AXIN1: variants seen among roughly 807,000 people sequenced by gnomAD.
The protein encoded by AXIN1 is axin 1.
A neutral mutation model predicts 76.4 loss-of-function variants in AXIN1; 30 were observed. The observed-to-expected ratio is 0.39, with a 90% confidence interval of 0.29 to 0.53. The LOEUF is 0.53. Among genes scored for constraint, AXIN1 ranks in the 20% least tolerant of loss-of-function variants. The pLI is 0.66. For missense variants in AXIN1, 1,140 were observed against 1,198.8 expected, an observed-to-expected ratio of 0.95 and a Z score of 0.72; for synonymous variants, 545 against 501.4, an observed-to-expected ratio of 1.09 and a Z score of -1.16.
intron 7 of AXIN1, among the ~76,000 whole-genome samples, chr16:294,258 A>G (rs868162194): frequency 2.0e-5 from 3 of 152,232 alleles, no homozygotes; most frequent in Middle Eastern, 6.8e-3. Context: ...TCAGGAGTTC[A>G]AGAACAGCCT....
chr16:344,664 T>G (rs1232598985), intron 2 of AXIN1, among the ~76,000 whole-genome samples: 1 of 151,922 alleles, frequency 6.6e-6, no homozygotes, highest in Non-Finnish European at 1.5e-5. Context: ...AATTTTTGTA[T>G]TTTTAGTAGA....
rs903183123 is a variant in AXIN1, at chr16:297,901, G to T, written c.1605C>A (p.Val535=). 4 of 1,594,426 alleles carry T rather than the reference G, an allele frequency of 2.5e-6. No individual in the cohort carries two copies. In the East Asian group the frequency reaches 9.0e-5, roughly 36 times the overall value. The change falls in exon 6 of 11, where the codon GTC becomes GTA. Residue 535 remains valine (V), a synonymous_variant. Coordinates refer to ENST00000262320, the MANE Select transcript of AXIN1 (RefSeq NM_003502.4). ...CTGTGCTGTGGTGGACGTGGTGGTG[G>T]ACGTGTCGGTGGTGGTGCAGGCCGG... The part of the protein sequence containing the change: ...DAAGLHHHRH[V]HHHVHHSTAR...
chr16:288,664 C>T (rs1252865170), intron 10 of AXIN1, among the ~76,000 whole-genome samples: 1 of 152,242 alleles, frequency 6.6e-6, no homozygotes, highest in Non-Finnish European at 1.5e-5. Context: ...CGGTGGGAAC[C>T]ACCCGCCAGG....
chr16:349,468 A>G (rs1220762254), intron 1 of AXIN1, among the ~76,000 whole-genome samples: 4 of 152,234 alleles, frequency 2.6e-5, no homozygotes, highest in Non-Finnish European at 5.9e-5. Context: ...CCTTACCACT[A>G]TAGATGTACT....
chr16:346,053 G>C (rs989795949), intron 2 of AXIN1, 95 bp downstream of exon 2: 4 of 1,254,424 alleles, frequency 3.2e-6, no homozygotes, highest in Non-Finnish European at 3.4e-6. Flanking sequence ...GACATCCGGT[G>C]TGGGTTAACG....
At chr16:326,374 TATA>T (rs2053583431) in intron 2 of AXIN1, among the ~76,000 whole-genome samples, 1 of 49,612 alleles carries the variant, frequency 2.0e-5, no homozygotes, top group African/African-American at 1.1e-4. Context: ...AAAAAAAAAA[TATA>T]TATATATATA....
At chr16:290,991 C>T in intron 9 of AXIN1, 199 bp downstream of exon 9, 1 of 640,376 alleles carries the variant, frequency 1.6e-6, no homozygotes, top group South Asian at 1.7e-5. Flanking sequence ...GCTGGACAGT[C>T]AGCGTCTCCT....
At chr16:317,121 G>A (rs776151068) in intron 2 of AXIN1, among the ~76,000 whole-genome samples, 1 of 152,180 alleles carries the variant, frequency 6.6e-6, no homozygotes, top group Non-Finnish European at 1.5e-5. Flanking sequence ...ACAGAACCTA[G>A]GGAAAGCCCC....
At chr16:332,415 A>C (rs1251360540) in intron 2 of AXIN1, among the ~76,000 whole-genome samples, 2 of 151,910 alleles carry the variant, frequency 1.3e-5, no homozygotes, top group Non-Finnish European at 2.9e-5. Context: ...ATCTCTACTA[A>C]AAATACAAAA....
At chr16:349,441 C>T (rs1221551753) in intron 1 of AXIN1, among the ~76,000 whole-genome samples, 1 of 152,226 alleles carries the variant, frequency 6.6e-6, no homozygotes, top group East Asian at 1.9e-4. Flanking sequence ...AGAAGGCCTG[C>T]ACCCTGACCA....
chr16:342,655 G>A (rs1431063241), intron 2 of AXIN1, among the ~76,000 whole-genome samples: 1 of 152,228 alleles, frequency 6.6e-6, no homozygotes, highest in African/African-American at 2.4e-5. Flanking sequence ...TGACTGTGCT[G>A]AGACAGACGG....
chr16:297,048 G>A lies in AXIN1; in HGVS notation c.1955+8C>T, dbSNP rs2141501837. The A allele has an allele frequency of 6.2e-7, 1 of 1,609,876 alleles. No individual in the cohort carries two copies. Among genetic ancestry groups the A allele is most frequent in the Non-Finnish European group, 8.5e-7 (1 of 1,179,866 alleles). ...CCCCACGAGGCTGGCTGCGTGCGGG[G>A]TGCTCACCCGTGGCCGGTCCTGCGG... On this transcript the variant is annotated splice_region_variant and intron_variant, in intron 7 of 10. Transcript: ENST00000262320.
intron 2 of AXIN1, among the ~76,000 whole-genome samples, chr16:329,675 G>C (rs1189912759): frequency 6.6e-6 from 1 of 152,098 alleles, no homozygotes; most frequent in Admixed American, 6.5e-5. Context: ...GAGTGCTGGA[G>C]TGCAGTGGCG....
intron 2 of AXIN1, among the ~76,000 whole-genome samples, chr16:341,628 G>C (rs1412628429): frequency 6.6e-6 from 1 of 152,358 alleles, no homozygotes; most frequent in East Asian, 1.9e-4. Flanking sequence ...GAGGAGTGCG[G>C]GCGCACGGCA....
intron 2 of AXIN1, among the ~76,000 whole-genome samples, chr16:338,744 G>A (rs997708334): frequency 2.6e-5 from 4 of 152,102 alleles, no homozygotes; most frequent in African/African-American, 7.2e-5. Context: ...CCAACATGGC[G>A]AAACCTTGTC....
Position 327,066 on chromosome 16 carries a change from T to A in AXIN1, c.879-12383A>T, listed in dbSNP as rs74948491. 9.2e-5 allele frequency among the ~76,000 whole-genome samples: 14 copies of A among 151,668 alleles called. No homozygotes were observed. The East Asian group carries it at 2.7e-3, about 30-fold the overall frequency. On this transcript the variant is annotated intron_variant, in intron 2 of 10. Coordinates refer to ENST00000262320, the MANE Select transcript of AXIN1 (RefSeq NM_003502.4). ...CTGAGGCAGAAGACTGGCATGAACC[T>A]GGGAGGTGGAGCTTGCAGTGAGCCG...
Position 293,250 on chromosome 16 carries a change from G to A in AXIN1, c.2186+238C>T. On this transcript the variant is annotated intron_variant, in intron 8 of 10. Transcript: ENST00000262320. This position sits in a 1 kb window ranked among gnomAD's most constrained non-coding sequence, Gnocchi z 4.6. The stretch of plus-strand genomic sequence containing the variant: ...GTTGAGGAGGGACCCCGCCTCCAGA[G>A]CAATGAGCGCGGCGGCCTCGGGTGT... 1 of 583,642 alleles carries A rather than the reference G, an allele frequency of 1.7e-6. No individual in the cohort carries two copies. Among genetic ancestry groups the A allele is most frequent in the East Asian group, 2.8e-5 (1 of 35,294 alleles). 36.2% of individuals were successfully genotyped at this position (583,642 alleles called of 1,614,324 possible). A position where few individuals can be genotyped will look rare whatever the true frequency, so the allele number is the denominator to read the frequency against.
intron 2 of AXIN1, among the ~76,000 whole-genome samples, chr16:321,870 G>A (rs572421486): frequency 6.6e-6 from 1 of 152,232 alleles, no homozygotes; most frequent in Non-Finnish European, 1.5e-5. Flanking sequence ...TTCGTTGACG[G>A]GCACCCTGAA....
intron 1 of AXIN1, 69 bp from the exon 2 acceptor site, chr16:347,175 C>G: frequency 7.3e-7 from 1 of 1,375,928 alleles, no homozygotes. Flanking sequence ...GAGGTTTTCT[C>G]AAGACAAGAC....
Sources: allele counts gnomAD v4.1 joint callset (sites outside exome capture counted in the v4.1 genomes callset), GRCh38; gene constraint gnomAD v4.1.1; non-coding constraint Gnocchi (gnomAD v3.1); transcripts MANE v1.5; gene names NCBI Gene and HGNC (gene_info 2026-07-23, HGNC 2026-07-21).